The following LAMA2 variants were observed in gnomAD, a reference collection of about 807,000 sequenced individuals.
LAMA2 encodes the protein laminin subunit alpha 2.
Under a neutral mutation model 364.8 loss-of-function variants are expected in LAMA2, and 269 were observed. The ratio of observed to expected loss-of-function variants is 0.74; its 90% CI spans 0.67 to 0.82. The LOEUF is 0.82. Ranked by LOEUF, LAMA2 falls within the 40% of genes least tolerant of loss-of-function variation. LAMA2 has a pLI of 0.00. For missense variants in LAMA2, 3,807 were observed against 3,873.2 expected (o/e 0.98, Z 0.45); for synonymous variants, 1,379 against 1,370.6 (o/e 1.01, Z -0.14).
chr6:128,967,254 G>C (rs748282066), intron 1 of LAMA2, among the ~76,000 whole-genome samples: 5 of 152,032 alleles, frequency 3.3e-5, no homozygotes, highest in Non-Finnish European at 5.9e-5. Flanking sequence ...CATTCCCAGA[G>C]ACATACAAAA....
At chr6:129,179,792 C>G (rs1273860887) in intron 10 of LAMA2, among the ~76,000 whole-genome samples, 1 of 152,044 alleles carries the variant, frequency 6.6e-6, no homozygotes, top group African/African-American at 2.4e-5. Flanking sequence ...GGATTAAAAA[C>G]TTGCAGAAAG....
At chr6:129,413,072 G>A (rs568647749) in intron 40 of LAMA2, among the ~76,000 whole-genome samples, 2 of 152,238 alleles carry the variant, frequency 1.3e-5, no homozygotes, top group African/African-American at 2.4e-5. Context: ...CACAAATACT[G>A]CAAATCTTAG....
chr6:129,378,702 A>G (rs1436369693), intron 34 of LAMA2, among the ~76,000 whole-genome samples: 2 of 152,218 alleles, frequency 1.3e-5, no homozygotes, highest in Non-Finnish European at 2.9e-5. Context: ...AGTGTTGGGT[A>G]CAAACAAAAT....
At position 129,066,038 on chromosome 6, in the gene LAMA2, G is replaced by GTATGTCTTTTTTTTTTTTTTTTTTTTT. The variant is rs59543848; in HGVS notation, c.396+6143_396+6144insATGTCTTTTTTTTTTTTTTTTTTTTTT. 2.7e-4 allele frequency among the ~76,000 whole-genome samples: 10 copies of GTATGTCTTTTTTTTTTTTTTTTTTTTT among 37,118 alleles called. 2 individuals are homozygous for GTATGTCTTTTTTTTTTTTTTTTTTTTT. The highest frequency in any genetic ancestry group is 8.2e-4 in the Admixed American group (2 of 2,446). 24.4% of individuals were successfully genotyped at this position (37,118 alleles called of 152,430 possible). A position where few individuals can be genotyped will look rare whatever the true frequency, so the allele number is the denominator to read the frequency against. The stretch of plus-strand genomic sequence containing the variant: ...TCTTTTGTAAATTGCCCAGTCTCAG[G>GTATGTCTTTTTTTTTTTTTTTTTTTTT]TTTTTTTTTTTTTTTTTTTTTTTTT... On this transcript the variant is annotated intron_variant, in intron 3 of 64. Transcript: ENST00000421865.
intron 44 of LAMA2, among the ~76,000 whole-genome samples, chr6:129,443,520 C>A (rs1400204498): frequency 6.6e-6 from 1 of 152,170 alleles, no homozygotes; most frequent in Non-Finnish European, 1.5e-5. Context: ...TCTGATAACA[C>A]AAATTCACCC....
chr6:129,427,722 G>C, intron 40 of LAMA2, 30 bp from the exon 41 acceptor site: 1 of 1,490,502 alleles, frequency 6.7e-7, no homozygotes, highest in Non-Finnish European at 9.4e-7. Context: ...TATGGTTTTA[G>C]ATGTATGACA....
intron 1 of LAMA2, among the ~76,000 whole-genome samples, chr6:129,049,649 C>T (rs1787850280): frequency 6.6e-6 from 1 of 151,986 alleles, no homozygotes; most frequent in African/African-American, 2.4e-5. Flanking sequence ...GTCCTAGAGA[C>T]AGGACCTTCT....
intron 40 of LAMA2, among the ~76,000 whole-genome samples, chr6:129,415,139 C>A (rs1326166562): frequency 6.6e-6 from 1 of 152,170 alleles, no homozygotes; most frequent in Non-Finnish European, 1.5e-5. Context: ...TTCCCTTTAG[C>A]TTCCTTTTTT....
intron 4 of LAMA2, among the ~76,000 whole-genome samples, chr6:129,128,064 A>G (rs907630343): frequency 6.6e-6 from 1 of 152,166 alleles, no homozygotes; most frequent in Non-Finnish European, 1.5e-5. Context: ...AATTCAAAAC[A>G]TTATTACCCA....
chr6:128,995,730 A>C (rs769839754), intron 1 of LAMA2, among the ~76,000 whole-genome samples: 1 of 152,284 alleles, frequency 6.6e-6, no homozygotes, highest in African/African-American at 2.4e-5. Context: ...TCTTTAAATC[A>C]GTAATTTTTT....
At position 129,263,732 on chromosome 6, in the gene LAMA2, G is replaced by T. The variant is rs1787300398; in HGVS notation, c.2208+2910G>T. Among the ~76,000 whole-genome samples the T allele has an allele frequency of 2.0e-5, 3 of 151,984 alleles. No homozygotes were observed. The South Asian group carries it at 6.2e-4, about 32-fold the overall frequency. ...GTAGTGTAATCTGATTTACATTTTT[G>T]GGTTTTGGGGTGTTTTTTGTTGTTT... is the stretch of plus-strand genomic sequence containing the variant. On this transcript the variant is annotated intron_variant, in intron 15 of 64. Coordinates refer to ENST00000421865, the MANE Select transcript of LAMA2 (RefSeq NM_000426.4).
Position 129,382,328 on chromosome 6 carries a change from A to G in LAMA2, c.4960-794A>G, listed in dbSNP as rs138100285. On this transcript the variant is annotated intron_variant, in intron 34 of 64. Transcript: ENST00000421865. ...AATTTTTAAAGAAACAATGTTATAC[A>G]CACACCATTTTTGTTTGACTAAATA... Among the ~76,000 whole-genome samples the G allele has an allele frequency of 2.0e-4, 31 of 152,382 alleles. No individual in the cohort carries two copies. In the East Asian group the frequency reaches 2.7e-3, roughly 13 times the overall value.
intron 2 of LAMA2, among the ~76,000 whole-genome samples, chr6:129,058,060 T>C (rs897715529): frequency 2.0e-5 from 3 of 152,214 alleles, no homozygotes; most frequent in Non-Finnish European, 4.4e-5. Context: ...ATGTGCCGAC[T>C]TTCTAGTGAG....
chr6:129,406,074 G>C (rs769011882), intron 40 of LAMA2, among the ~76,000 whole-genome samples: 12 of 151,948 alleles, frequency 7.9e-5, no homozygotes, highest in African/African-American at 1.2e-4. Context: ...GACAATTTGA[G>C]AAGAAAAAAA....
chr6:129,404,639 G>T (rs966018078), intron 40 of LAMA2, among the ~76,000 whole-genome samples: 1 of 151,942 alleles, frequency 6.6e-6, no homozygotes, highest in South Asian at 2.1e-4. Flanking sequence ...ACTATTTCAG[G>T]TTAAAAAAAT....
At chr6:129,480,377 G>A (rs1016207335) in intron 54 of LAMA2, among the ~76,000 whole-genome samples, 1 of 151,994 alleles carries the variant, frequency 6.6e-6, no homozygotes, top group African/African-American at 2.4e-5. Flanking sequence ...ATAAATACTA[G>A]CAAATTCATA....
chr6:129,453,090 G>T lies in LAMA2; in HGVS notation c.6532G>T (p.Val2178Phe), dbSNP rs1311007463. 6.2e-7 allele frequency: 1 copy of T among 1,612,918 alleles called. No individual in the cohort carries two copies. Among genetic ancestry groups the T allele is most frequent in the Non-Finnish European group, 8.5e-7 (1 of 1,179,408 alleles). ...NNIVVNVKTA[V>F]ADNLLFYLGS... The stretch of plus-strand genomic sequence containing the variant: ...TATTGTTGTCAACGTAAAGACAGCT[G>T]TTGCTGATAACCTCCTCTTTTATCT... The change falls in exon 46 of 65, where the codon GTT becomes TTT. Residue 2178 changes from valine (V) to phenylalanine (F), a missense_variant. Coordinates refer to ENST00000421865, the MANE Select transcript of LAMA2 (RefSeq NM_000426.4).
intron 4 of LAMA2, among the ~76,000 whole-genome samples, chr6:129,133,432 T>TG (rs1385748197): frequency 6.6e-6 from 1 of 152,034 alleles, no homozygotes; most frequent in Admixed American, 6.5e-5. Flanking sequence ...AAATTAGTCA[T>TG]GTGAAAGCAA....
At chr6:129,409,785 T>A (rs1780433987) in intron 40 of LAMA2, among the ~76,000 whole-genome samples, 1 of 152,182 alleles carries the variant, frequency 6.6e-6, no homozygotes, top group African/African-American at 2.4e-5. Flanking sequence ...TACGGCCCAA[T>A]CGGCAGAGCA....
Sources: gnomAD v4.1 joint callset for allele counts (sites outside exome capture counted in the v4.1 genomes callset) on GRCh38, gnomAD v4.1.1 for gene constraint, MANE v1.5 for transcripts, NCBI Gene and HGNC (gene_info 2026-07-23, HGNC 2026-07-21) for gene names.